Variants in CA10 observed in about 807,000 individuals in gnomAD.
The protein encoded by CA10 is carbonic anhydrase 10 (inactive).
A neutral mutation model predicts 44.2 loss-of-function variants in CA10; 14 were observed. The ratio of observed to expected loss-of-function variants is 0.32; its 90% CI spans 0.21 to 0.50. The LOEUF (loss-of-function observed/expected upper bound fraction) is 0.50, where lower values mean the gene tolerates loss of function less well. CA10 is among the 20% of genes least tolerant of loss of function. The probability of loss-of-function intolerance (pLI) is 0.99; values close to 1 mark genes in which losing one functional copy is unlikely to be tolerated. For synonymous variants in CA10, 159 were observed against 141.6 expected (o/e 1.12, Z -0.87); for missense variants, 350 against 409.7 (o/e 0.85, Z 1.26).
At chr17:51,881,385 T>TC (rs1980369217) in intron 3 of CA10, among the ~76,000 whole-genome samples, 1 of 152,076 alleles carries the variant, frequency 6.6e-6, no homozygotes, top group Non-Finnish European at 1.5e-5. Flanking sequence ...GAAGGATTTA[T>TC]CAATAAAGGA....
chr17:52,136,578 T>C (rs1227840595), intron 1 of CA10, among the ~76,000 whole-genome samples: 1 of 152,190 alleles, frequency 6.6e-6, no homozygotes, highest in Admixed American at 6.5e-5. Context: ...TATCTGTGTG[T>C]CTTGCTCACA....
chr17:52,135,202 T>C (rs1989328984), intron 1 of CA10, among the ~76,000 whole-genome samples: 1 of 152,142 alleles, frequency 6.6e-6, no homozygotes, highest in African/African-American at 2.4e-5. Flanking sequence ...TCGCTAACCA[T>C]GTTAGGCTTT....
chr17:52,080,635 A>C (rs1987949218), intron 1 of CA10, among the ~76,000 whole-genome samples: 1 of 151,990 alleles, frequency 6.6e-6, no homozygotes, highest in South Asian at 2.1e-4. Context: ...ATTTAATATC[A>C]TTTCTCATAA....
Position 51,690,443 on chromosome 17 carries a change from C to T in CA10, c.466-36707G>A, listed in dbSNP as rs549982690. On this transcript the variant is annotated intron_variant, in intron 4 of 8. Transcript: ENST00000451037. ...TCTATGAGTTTAACTTTTTAAGATT[C>T]CATGTGTGATATGGTTTGGCTATGT... is the stretch of plus-strand genomic sequence containing the variant. Among the ~76,000 whole-genome samples the T allele has an allele frequency of 1.1e-4, 16 of 152,280 alleles. 1 individual carries two copies. The South Asian group carries it at 3.1e-3, about 30-fold the overall frequency.
chr17:51,980,193 T>C (rs1390326112), intron 2 of CA10, among the ~76,000 whole-genome samples: 3 of 152,138 alleles, frequency 2.0e-5, no homozygotes, highest in Non-Finnish European at 4.4e-5. Flanking sequence ...CCAGCATCTG[T>C]TATTTTTTGA....
chr17:51,633,256 A>T (rs1912669396), intron 8 of CA10, among the ~76,000 whole-genome samples: 1 of 152,092 alleles, frequency 6.6e-6, no homozygotes, highest in South Asian at 2.1e-4. Context: ...CCACTTACTT[A>T]CCTACCTACC....
intron 6 of CA10, among the ~76,000 whole-genome samples, chr17:51,636,775 T>TTGTGTGTGTGTGTGTGTGTGTGTG (rs57428535): frequency 6.8e-6 from 1 of 146,512 alleles, no homozygotes; most frequent in Admixed American, 6.8e-5. Context: ...ACTGATTATT[T>TTGTGTGTGTGTGTGTGTGTGTGTG]TGTGTGTGTG....
At chr17:51,668,695 G>A (rs575974457) in intron 4 of CA10, among the ~76,000 whole-genome samples, 32 of 152,264 alleles carry the variant, frequency 2.1e-4, no homozygotes, top group South Asian at 1.9e-3. Context: ...CCTTCAGCCC[G>A]CTGCTGCACT....
intron 3 of CA10, among the ~76,000 whole-genome samples, chr17:51,779,885 C>T (rs1012930288): frequency 1.3e-5 from 2 of 152,134 alleles, no homozygotes; most frequent in East Asian, 1.9e-4. Flanking sequence ...GTGCTGCCTG[C>T]GGTTGGATGA....
intron 3 of CA10, among the ~76,000 whole-genome samples, chr17:51,779,294 G>C (rs1905952175): frequency 6.6e-6 from 1 of 152,096 alleles, no homozygotes; most frequent in African/African-American, 2.4e-5. Context: ...AAGTTATCAG[G>C]TTGCAGATGA....
At chr17:51,915,460 T>G in intron 3 of CA10, among the ~76,000 whole-genome samples, 1 of 152,098 alleles carries the variant, frequency 6.6e-6, no homozygotes, top group East Asian at 1.9e-4. Flanking sequence ...TCCTGGGAGT[T>G]TGTGTAACAT....
chr17:51,711,358 A>G (rs1293760059), intron 4 of CA10, among the ~76,000 whole-genome samples: 1 of 152,206 alleles, frequency 6.6e-6, no homozygotes, highest in Admixed American at 6.5e-5. Flanking sequence ...ATTTTAAGAG[A>G]TCACTGTTTC....
At chr17:51,768,346 A>G (rs1905467410) in intron 3 of CA10, among the ~76,000 whole-genome samples, 2 of 152,140 alleles carry the variant, frequency 1.3e-5, no homozygotes, top group African/African-American at 4.8e-5. Context: ...GTCTTCTTTC[A>G]AGGACAGGAA....
chr17:52,058,906 A>G (rs1010811447), intron 2 of CA10, among the ~76,000 whole-genome samples: 1 of 152,180 alleles, frequency 6.6e-6, no homozygotes, highest in Non-Finnish European at 1.5e-5. Flanking sequence ...TCTTAAGATC[A>G]GGAGCTGTCA....
chr17:51,879,100 T>C (rs891094186), intron 3 of CA10, among the ~76,000 whole-genome samples: 8 of 151,744 alleles, frequency 5.3e-5, no homozygotes, highest in Admixed American at 2.6e-4. Context: ...CATGAGAATT[T>C]CCCCATGATT....
intron 4 of CA10, among the ~76,000 whole-genome samples, chr17:51,695,511 A>C (rs180897842): frequency 2.0e-5 from 3 of 152,316 alleles, no homozygotes; most frequent in Admixed American, 2.0e-4. Context: ...ATTTTTGTAC[A>C]TTGATTTTGT....
intron 6 of CA10, among the ~76,000 whole-genome samples, chr17:51,644,460 C>T (rs1174608259): frequency 6.6e-6 from 1 of 152,148 alleles, no homozygotes. Context: ...TTTATTCTTA[C>T]TCTCAGGATT....
chr17:52,144,956 A>T (rs1488305758), intron 1 of CA10, among the ~76,000 whole-genome samples: 1 of 152,192 alleles, frequency 6.6e-6, no homozygotes, highest in East Asian at 1.9e-4. Flanking sequence ...TAGAGATATT[A>T]AATAACTTCC....
chr17:51,994,569 A>T (rs990509676), intron 2 of CA10, among the ~76,000 whole-genome samples: 2 of 152,042 alleles, frequency 1.3e-5, no homozygotes, highest in Non-Finnish European at 2.9e-5. Context: ...ACTATAGTTC[A>T]GTATCTGGTT....
Sources: gnomAD v4.1 joint callset for allele counts (sites outside exome capture counted in the v4.1 genomes callset) on GRCh38, gnomAD v4.1.1 for gene constraint, MANE v1.5 for transcripts, NCBI Gene and HGNC (gene_info 2026-07-23, HGNC 2026-07-21) for gene names.